The following CACNA2D3 variants were observed in gnomAD, a reference collection of about 807,000 sequenced individuals.
CACNA2D3 encodes voltage-dependent calcium channel subunit alpha-2/delta-3.
CACNA2D3 carries 60 observed loss-of-function variants against 160.6 expected under a neutral mutation model. The observed-to-expected ratio is 0.37, with a 90% CI of 0.30 to 0.46. CACNA2D3 has a LOEUF of 0.46. Ranked by LOEUF, CACNA2D3 falls within the 20% of genes least tolerant of loss-of-function variation. The probability of loss-of-function intolerance (pLI) is 1.00; values close to 1 mark genes in which losing one functional copy is unlikely to be tolerated. For missense variants in CACNA2D3, 1,205 were observed against 1,365.0 expected, an observed-to-expected ratio of 0.88 and a Z score of 1.85; for synonymous variants, 558 against 492.9, an observed-to-expected ratio of 1.13 and a Z score of -1.75.
At chr3:54,894,994 A>G (rs1700155777) in intron 25 of CACNA2D3, among the ~76,000 whole-genome samples, 1 of 151,808 alleles carries the variant, frequency 6.6e-6, no homozygotes, top group South Asian at 2.1e-4. Flanking sequence ...GTGCTTTGTA[A>G]AAATTTTTCT....
chr3:54,454,016 C>A (rs796836012), intron 4 of CACNA2D3, among the ~76,000 whole-genome samples: 9 of 152,248 alleles, frequency 5.9e-5, no homozygotes, highest in African/African-American at 2.2e-4. Context: ...TCTGGGCAGG[C>A]TAGCACTGAT....
rs539482855 is a variant in CACNA2D3, at chr3:54,422,663, A to AATG, written c.381+35910_381+35912dup. ...TTTAACAATCAGTTGGCAAAATAAT[A>AATG]ATGATGATGATGATGATGATGATAT... On this transcript the variant is annotated intron_variant, in intron 4 of 37. Transcript: ENST00000474759. Among the ~76,000 whole-genome samples, 643 of 152,032 alleles carry AATG rather than the reference A, an allele frequency of 4.2e-3. 2 individuals are homozygous for AATG. Among genetic ancestry groups the AATG allele is most frequent in the Admixed American group, 8.4e-3 (129 of 15,278 alleles).
At chr3:54,541,065 C>G (rs1701966010) in intron 5 of CACNA2D3, among the ~76,000 whole-genome samples, 1 of 151,884 alleles carries the variant, frequency 6.6e-6, no homozygotes, top group African/African-American at 2.4e-5. Flanking sequence ...ATCACGAGGT[C>G]AGGATATTGA....
intron 4 of CACNA2D3, among the ~76,000 whole-genome samples, chr3:54,401,304 A>G (rs947786466): frequency 1.3e-5 from 2 of 152,244 alleles, no homozygotes; most frequent in African/African-American, 4.8e-5. Context: ...GATAAGGGAC[A>G]GAGGTAGGAA....
chr3:54,123,742 A>C (rs1699527887), intron 2 of CACNA2D3, 148 bp downstream of exon 2: 1 of 681,956 alleles, frequency 1.5e-6, no homozygotes, highest in Admixed American at 2.4e-5. Context: ...TGTACTATGC[A>C]GTGACTTCTT....
At chr3:54,860,145 G>C (rs1310301313) in intron 17 of CACNA2D3, among the ~76,000 whole-genome samples, 1 of 152,268 alleles carries the variant, frequency 6.6e-6, no homozygotes, top group Non-Finnish European at 1.5e-5. Flanking sequence ...GGCCCAGTGA[G>C]CTAAGCTGGA....
chr3:54,712,486 C>G (rs1448369106), intron 11 of CACNA2D3, among the ~76,000 whole-genome samples: 2 of 152,138 alleles, frequency 1.3e-5, no homozygotes, highest in East Asian at 1.9e-4. Context: ...GAATAAGTCT[C>G]TCGAGATCTG....
chr3:54,301,423 C>T (rs1374953609), intron 2 of CACNA2D3, among the ~76,000 whole-genome samples: 1 of 151,954 alleles, frequency 6.6e-6, no homozygotes. Flanking sequence ...ATGATCATGA[C>T]ACTGAACTCC....
chr3:54,990,995 T>TC (rs1702728055), intron 31 of CACNA2D3, among the ~76,000 whole-genome samples: 1 of 152,176 alleles, frequency 6.6e-6, no homozygotes, highest in Admixed American at 6.5e-5. Flanking sequence ...TGACCTAGTA[T>TC]CCAGGATCCA....
intron 13 of CACNA2D3, among the ~76,000 whole-genome samples, chr3:54,801,538 A>C (rs1702987871): frequency 6.6e-6 from 1 of 152,186 alleles, no homozygotes; most frequent in South Asian, 2.1e-4. Context: ...AATAATAAGA[A>C]ATTTAATAAG....
At chr3:54,421,686 TATC>T (rs1699838649) in intron 4 of CACNA2D3, among the ~76,000 whole-genome samples, 1 of 152,172 alleles carries the variant, frequency 6.6e-6, no homozygotes, top group African/African-American at 2.4e-5. Flanking sequence ...GCTGCACGGT[TATC>T]ATGTTGAGGG....
intron 12 of CACNA2D3, among the ~76,000 whole-genome samples, chr3:54,760,538 G>T (rs528123702): frequency 6.6e-6 from 1 of 152,150 alleles, no homozygotes; most frequent in African/African-American, 2.4e-5. Context: ...CCAGGAAGAT[G>T]ATGATTTGCT....
At chr3:54,260,721 T>A (rs1358464072) in intron 2 of CACNA2D3, among the ~76,000 whole-genome samples, 1 of 152,206 alleles carries the variant, frequency 6.6e-6, no homozygotes, top group Admixed American at 6.5e-5. Context: ...GTATTCTTTT[T>A]TTTTTCCTTA....
At chr3:54,465,872 C>G (rs757397421) in intron 4 of CACNA2D3, among the ~76,000 whole-genome samples, 3 of 152,148 alleles carry the variant, frequency 2.0e-5, no homozygotes, top group Non-Finnish European at 2.9e-5. Flanking sequence ...AGGTAAGGTG[C>G]TGGCTGGGCT....
intron 10 of CACNA2D3, among the ~76,000 whole-genome samples, chr3:54,630,005 G>C (rs1215039727): frequency 6.8e-6 from 1 of 147,388 alleles, no homozygotes; most frequent in Non-Finnish European, 1.5e-5. Context: ...AGAGTTTACA[G>C]GGTTTCTTGT....
At chr3:54,899,398 C>T (rs1407806648) in intron 26 of CACNA2D3, among the ~76,000 whole-genome samples, 1 of 152,134 alleles carries the variant, frequency 6.6e-6, no homozygotes, top group Non-Finnish European at 1.5e-5. Context: ...ATTTCAAAGC[C>T]CTCATACAGC....
At chr3:54,201,433 C>G (rs1246885638) in intron 2 of CACNA2D3, among the ~76,000 whole-genome samples, 1 of 152,168 alleles carries the variant, frequency 6.6e-6, no homozygotes, top group African/African-American at 2.4e-5. Context: ...ATAGCATTAA[C>G]TCAAGAATTA....
At chr3:54,365,329 C>T (rs764761462) in intron 3 of CACNA2D3, among the ~76,000 whole-genome samples, 2 of 152,146 alleles carry the variant, frequency 1.3e-5, no homozygotes, top group Non-Finnish European at 2.9e-5. Flanking sequence ...TAAGATGTGT[C>T]TATAAACCTC....
At chr3:55,020,858 A>T (rs113172925) in intron 35 of CACNA2D3, among the ~76,000 whole-genome samples, 1,893 of 152,204 alleles carry the variant, frequency 0.012, 41 homozygotes, top group African/African-American at 0.042. Context: ...TCAAAAAAAA[A>T]AAAAGTAATA....
Sources: gnomAD v4.1 joint callset for allele counts (sites outside exome capture counted in the v4.1 genomes callset) on GRCh38, gnomAD v4.1.1 for gene constraint, MANE v1.5 for transcripts, NCBI Gene and HGNC (gene_info 2026-07-23, HGNC 2026-07-21) for gene names.